EDA: variants seen among roughly 807,000 people sequenced by gnomAD.
The protein encoded by EDA is ectodysplasin-A.
EDA carries 2 observed loss-of-function variants against 23.6 expected under a neutral mutation model. The observed-to-expected ratio is 0.08, with a 90% CI of 0.03 to 0.27. The LOEUF (loss-of-function observed/expected upper bound fraction) is 0.27. EDA is among the 10% of genes least tolerant of loss of function. The pLI is 1.00. For synonymous variants in EDA, 131 were observed against 132.0 expected, an observed-to-expected ratio of 0.99 and a Z score of 0.05; for missense variants, 229 against 324.2, an observed-to-expected ratio of 0.71 and a Z score of 2.26.
intron 2 of EDA, among the ~76,000 whole-genome samples, chrX:69,972,164 T>G (rs2019256829): frequency 8.9e-6 from 1 of 112,131 alleles, no homozygotes; most frequent in Non-Finnish European, 1.9e-5. Flanking sequence ...TTTTCACATT[T>G]AAATGTAAGT....
intron 1 of EDA, among the ~76,000 whole-genome samples, chrX:69,745,082 T>C (rs1375673236): frequency 8.9e-6 from 1 of 111,947 alleles, no homozygotes; most frequent in Non-Finnish European, 1.9e-5. Flanking sequence ...TGGACAGATA[T>C]GTGGGATTCT....
chrX:70,011,068 C>G (rs1411380058), intron 2 of EDA, among the ~76,000 whole-genome samples: 4 of 111,453 alleles, frequency 3.6e-5, no homozygotes, highest in African/African-American at 1.3e-4. Flanking sequence ...TTGGCTTCCA[C>G]TTTTTCTGCC....
At chrX:69,760,480 T>C (rs2014277319) in intron 1 of EDA, among the ~76,000 whole-genome samples, 1 of 111,858 alleles carries the variant, frequency 8.9e-6, no homozygotes, top group Non-Finnish European at 1.9e-5. Context: ...AAGATCCTCA[T>C]TCTCATCCTC....
intron 1 of EDA, among the ~76,000 whole-genome samples, chrX:69,754,051 A>T (rs1381290113): frequency 9.0e-6 from 1 of 111,303 alleles, no homozygotes; most frequent in African/African-American, 3.3e-5. Flanking sequence ...TTTTAATTGG[A>T]GCATTTATCC....
chrX:69,801,726 A>G (rs1458412825), intron 1 of EDA, among the ~76,000 whole-genome samples: 2 of 111,949 alleles, frequency 1.8e-5, no homozygotes, highest in Non-Finnish European at 1.9e-5. Context: ...AAGAAGAAAC[A>G]TGAATGACTA....
rs1411871040 is a variant in EDA, at chrX:69,616,413, C to T, written c.105C>T (p.Gly35=). 1.2e-5 allele frequency: 14 copies of T among 1,209,095 alleles called. No individual in the cohort carries two copies. The highest frequency in any genetic ancestry group is 1.5e-5 in the Non-Finnish European group (13 of 895,043). Residue 35 remains glycine, a synonymous_variant, in exon 1 of 8, where the codon GGC becomes GGT. Coordinates refer to ENST00000374552, the MANE Select transcript of EDA (RefSeq NM_001399.5). ...CGCGGAPARA[G]EGNSCLLFLG... ...GTGGCGGGGCCCCTGCCCGGGCGGG[C>T]GAAGGGAACAGCTGCCTGCTCTTCC...
chrX:69,645,680 C>T (rs757236635), intron 1 of EDA, among the ~76,000 whole-genome samples: 1 of 99,107 alleles, frequency 1.0e-5, no homozygotes. Context: ...ACAATGTGCA[C>T]GTTTGTTACA....
At chrX:69,721,113 A>G (rs2012561853) in intron 1 of EDA, among the ~76,000 whole-genome samples, 1 of 111,540 alleles carries the variant, frequency 9.0e-6, no homozygotes, top group African/African-American at 3.3e-5. Flanking sequence ...TGCTTGGTTT[A>G]TCTGGTGCTG....
chrX:69,863,971 A>G (rs1468919457), intron 1 of EDA, among the ~76,000 whole-genome samples: 1 of 110,771 alleles, frequency 9.0e-6, no homozygotes, highest in African/African-American at 3.3e-5. Context: ...GCTTCTTTGT[A>G]TTCATTATTT....
In EDA at chrX:69,674,801, C is replaced by T. The variant is rs181588112; in HGVS notation, c.396+58097C>T. 1.1e-3 allele frequency among the ~76,000 whole-genome samples: 120 copies of T among 111,270 alleles called. 1 individual carries two copies. The highest frequency in any genetic ancestry group is 2.5e-3 in the Admixed American group (26 of 10,440). ...GCCTGTTTGTTTTGAGCTTTAAGAA[C>T]CTTCTTGACTTTTCTTGTAACGTTT... On this transcript the variant is annotated intron_variant, in intron 1 of 7. Transcript: ENST00000374552.
intron 1 of EDA, among the ~76,000 whole-genome samples, chrX:69,824,166 G>C (rs1228741663): frequency 3.6e-5 from 4 of 109,834 alleles, no homozygotes; most frequent in Non-Finnish European, 7.6e-5. Context: ...GCTCAGGATT[G>C]ACTTGGCAAT....
chrX:70,005,499 A>G (rs2019792008), intron 2 of EDA, among the ~76,000 whole-genome samples: 1 of 111,447 alleles, frequency 9.0e-6, no homozygotes, highest in South Asian at 3.8e-4. Context: ...GGAGTTAACA[A>G]TGTATTAAGT....
intron 1 of EDA, among the ~76,000 whole-genome samples, chrX:69,695,766 C>T (rs2011319010): frequency 9.2e-6 from 1 of 109,168 alleles, no homozygotes; most frequent in Non-Finnish European, 1.9e-5. Context: ...CTTGGCCTCC[C>T]AAAGTGCTGG....
intron 2 of EDA, among the ~76,000 whole-genome samples, chrX:70,021,727 C>T (rs188352964): frequency 9.8e-5 from 11 of 111,989 alleles, no homozygotes; most frequent in African/African-American, 2.6e-4. Context: ...TTGCTCCAAT[C>T]TAAAACATCC....
chrX:69,786,139 A>C (rs2015161896), intron 1 of EDA, among the ~76,000 whole-genome samples: 1 of 110,123 alleles, frequency 9.1e-6, no homozygotes, highest in South Asian at 3.9e-4. Flanking sequence ...CAGTGGTGAT[A>C]TCCCCTTTAT....
chrX:70,028,416 A>G (rs1420797652), intron 4 of EDA, among the ~76,000 whole-genome samples: 1 of 112,280 alleles, frequency 8.9e-6, no homozygotes, highest in Admixed American at 9.4e-5. Flanking sequence ...GATTCCCAGC[A>G]TCTAGCTCCA....
At chrX:69,931,024 A>G (rs1351862058) in intron 1 of EDA, among the ~76,000 whole-genome samples, 1 of 111,473 alleles carries the variant, frequency 9.0e-6, no homozygotes, top group East Asian at 2.8e-4. Flanking sequence ...TGATCTGAAA[A>G]TTTATGTGGA....
At chrX:69,984,006 G>C (rs2019457453) in intron 2 of EDA, among the ~76,000 whole-genome samples, 1 of 98,032 alleles carries the variant, frequency 1.0e-5, no homozygotes, top group Non-Finnish European at 2.0e-5. Flanking sequence ...TGAACAACCT[G>C]CTCCTGAATG....
chrX:70,016,056 A>C (rs868676648), intron 2 of EDA, among the ~76,000 whole-genome samples: 9 of 108,295 alleles, frequency 8.3e-5, no homozygotes, highest in African/African-American at 3.0e-4. Flanking sequence ...AAAAAAAAAA[A>C]CAAAAAAAAA....
Sources: gnomAD v4.1 joint callset for allele counts (sites outside exome capture counted in the v4.1 genomes callset) on GRCh38, gnomAD v4.1.1 for gene constraint, MANE v1.5 for transcripts, NCBI Gene and HGNC (gene_info 2026-07-23, HGNC 2026-07-21) for gene names.